Variants in PTPRD observed in about 807,000 individuals in gnomAD.
The protein encoded by PTPRD is receptor-type tyrosine-protein phosphatase delta.
A neutral mutation model predicts 214.5 loss-of-function variants in PTPRD; 34 were observed. The ratio of observed to expected loss-of-function variants is 0.16; its 90% CI spans 0.12 to 0.21. The LOEUF (loss-of-function observed/expected upper bound fraction) is 0.21, where lower values mean the gene tolerates loss of function less well. PTPRD is among the 10% of genes least tolerant of loss of function. The pLI is 1.00. For synonymous variants in PTPRD, 1,128 were observed against 845.7 expected (o/e 1.33, Z -5.79); for missense variants, 2,545 against 2,398.7 (o/e 1.06, Z -1.27).
At chr9:8,433,310 C>T (rs1379394041) in intron 35 of PTPRD, among the ~76,000 whole-genome samples, 1 of 152,204 alleles carries the variant, frequency 6.6e-6, no homozygotes, top group Non-Finnish European at 1.5e-5. Flanking sequence ...CAATTAGGTA[C>T]AGTACATAAT....
At chr9:9,822,892 T>C (rs1277716973) in intron 5 of PTPRD, among the ~76,000 whole-genome samples, 1 of 152,098 alleles carries the variant, frequency 6.6e-6, no homozygotes, top group Non-Finnish European at 1.5e-5. Flanking sequence ...GCAGTCACTA[T>C]GAAAAACAGA....
chr9:9,449,290 C>CT (rs1330526908), intron 8 of PTPRD, among the ~76,000 whole-genome samples: 2 of 152,026 alleles, frequency 1.3e-5, no homozygotes, highest in Non-Finnish European at 2.9e-5. Flanking sequence ...GCAATTCAAT[C>CT]TTTTTTTATT....
At chr9:10,014,550 A>C (rs1407790667) in intron 4 of PTPRD, among the ~76,000 whole-genome samples, 2 of 152,012 alleles carry the variant, frequency 1.3e-5, no homozygotes, top group African/African-American at 2.4e-5. Context: ...TTTCCTTACA[A>C]AATTATATTT....
At chr9:9,262,587 A>G (rs192398258) in intron 9 of PTPRD, among the ~76,000 whole-genome samples, 12 of 151,638 alleles carry the variant, frequency 7.9e-5, no homozygotes, top group Middle Eastern at 3.4e-3. Context: ...TGACCTCAAT[A>G]TAAATGAGTA....
At chr9:9,737,856 A>G (rs920598576) in intron 6 of PTPRD, among the ~76,000 whole-genome samples, 2 of 152,090 alleles carry the variant, frequency 1.3e-5, no homozygotes, top group East Asian at 3.9e-4. Context: ...TATACTTAGG[A>G]ATTTCAGGGT....
chr9:9,428,825 G>A (rs975544690), intron 8 of PTPRD, among the ~76,000 whole-genome samples: 3 of 152,106 alleles, frequency 2.0e-5, no homozygotes, highest in African/African-American at 7.2e-5. Context: ...AAGAAATGAA[G>A]GCAGAAATAA....
chr9:10,226,959 A>G (rs17621358), intron 3 of PTPRD, among the ~76,000 whole-genome samples: 12,844 of 152,110 alleles, frequency 0.084, 696 homozygotes, highest in Non-Finnish European at 0.12. Flanking sequence ...TACAAGGAAT[A>G]TAATGTTTTT....
chr9:8,749,710 G>C (rs2093323786), intron 11 of PTPRD, among the ~76,000 whole-genome samples: 1 of 152,180 alleles, frequency 6.6e-6, no homozygotes, highest in African/African-American at 2.4e-5. Flanking sequence ...AACAGTGTTT[G>C]TGCTTTAAAA....
chr9:8,356,403 A>G (rs1390461133), intron 39 of PTPRD, among the ~76,000 whole-genome samples: 1 of 152,242 alleles, frequency 6.6e-6, no homozygotes, highest in Non-Finnish European at 1.5e-5. Flanking sequence ...ATAGTTTGAA[A>G]TAGAAAGTTT....
intron 9 of PTPRD, among the ~76,000 whole-genome samples, chr9:9,251,801 C>A (rs751466074): frequency 2.0e-4 from 30 of 152,028 alleles, no homozygotes; most frequent in Non-Finnish European, 3.5e-4. Context: ...TGAGATATAA[C>A]TGCTCTAGAA....
intron 10 of PTPRD, among the ~76,000 whole-genome samples, chr9:9,057,696 G>A (rs2099698892): frequency 6.6e-6 from 1 of 152,080 alleles, no homozygotes; most frequent in Non-Finnish European, 1.5e-5. Flanking sequence ...AGGTGTGAGG[G>A]TGAGTAAAGC....
chr9:9,330,547 CAATAAGT>C (rs1474321724), intron 9 of PTPRD, among the ~76,000 whole-genome samples: 4 of 151,910 alleles, frequency 2.6e-5, no homozygotes, highest in Non-Finnish European at 5.9e-5. Context: ...ATAGTAAATA[CAATAAGT>C]AATATTATTA....
At chr9:9,569,492 T>C (rs1591814196) in intron 8 of PTPRD, among the ~76,000 whole-genome samples, 2 of 151,852 alleles carry the variant, frequency 1.3e-5, no homozygotes, top group East Asian at 1.9e-4. Flanking sequence ...ATTTTATTGC[T>C]ACCAGAATTA....
Position 8,931,661 on chromosome 9 carries a change from C to T in PTPRD, c.-104+87036G>A, listed in dbSNP as rs145307007. Among the ~76,000 whole-genome samples the T allele has an allele frequency of 3.5e-3, 531 of 152,174 alleles. 4 individuals carry two copies. Among genetic ancestry groups the T allele is most frequent in the African/African-American group, 0.011 (477 of 41,508 alleles). On this transcript the variant is annotated intron_variant, in intron 11 of 45. Transcript: ENST00000381196. ...ATTGAGCAGCCAGGTTTACGTATCA[C>T]GATGATGCATGTCTCATGAAATGAG...
At chr9:9,388,726 G>A (rs1354008361) in intron 9 of PTPRD, among the ~76,000 whole-genome samples, 1 of 152,132 alleles carries the variant, frequency 6.6e-6, no homozygotes, top group Non-Finnish European at 1.5e-5. Context: ...TTTTATTCCA[G>A]TAATTATAGG....
At chr9:9,350,604 T>C (rs538987563) in intron 9 of PTPRD, among the ~76,000 whole-genome samples, 83 of 152,206 alleles carry the variant, frequency 5.5e-4, no homozygotes, top group Non-Finnish European at 9.1e-4. Context: ...TGGTCATAAA[T>C]ATCTTTGGTG....
intron 36 of PTPRD, among the ~76,000 whole-genome samples, chr9:8,402,732 T>C (rs1384411185): frequency 6.6e-6 from 1 of 152,044 alleles, no homozygotes; most frequent in Non-Finnish European, 1.5e-5. Context: ...ATGGAAAACA[T>C]AGAGATAAAT....
chr9:9,796,090 T>A (rs901956154), intron 5 of PTPRD, among the ~76,000 whole-genome samples: 21 of 152,176 alleles, frequency 1.4e-4, no homozygotes, highest in African/African-American at 4.8e-4. Context: ...TTGTGATTTC[T>A]TTGTTCATTC....
chr9:8,694,323 G>T (rs1234570813), intron 12 of PTPRD, among the ~76,000 whole-genome samples: 1 of 151,906 alleles, frequency 6.6e-6, no homozygotes, highest in Non-Finnish European at 1.5e-5. Flanking sequence ...TTTAGCAAAA[G>T]GAAGCAGAAT....
Sources: allele counts gnomAD v4.1 joint callset (sites outside exome capture counted in the v4.1 genomes callset), GRCh38; gene constraint gnomAD v4.1.1; transcripts MANE v1.5; gene names NCBI Gene and HGNC (gene_info 2026-07-23, HGNC 2026-07-21).